LOC400499: variants seen among roughly 807,000 people sequenced by gnomAD.
At chr16:11,411,772 TC>T in the LOC400499 span, among the ~76,000 whole-genome samples, 2 of 151,986 alleles carry the variant, frequency 1.3e-5, no homozygotes, top group Non-Finnish European at 2.9e-5. Context: ...CCTGACTCCC[TC>T]CCAGGGATCC....
the LOC400499 span, among the ~76,000 whole-genome samples, chr16:11,426,251 C>T: frequency 6.6e-6 from 1 of 152,112 alleles, no homozygotes. Context: ...GCCTGGTCAA[C>T]ATGGTGAAAC....
At chr16:11,481,356 C>G in the LOC400499 span, among the ~76,000 whole-genome samples, 1 of 152,190 alleles carries the variant, frequency 6.6e-6, no homozygotes, top group Non-Finnish European at 1.5e-5. Flanking sequence ...AAGTCTCACT[C>G]TTGCCGCCCA....
the LOC400499 span, among the ~76,000 whole-genome samples, chr16:11,512,634 G>A: frequency 6.6e-6 from 1 of 152,170 alleles, no homozygotes; most frequent in Non-Finnish European, 1.5e-5. Flanking sequence ...AAAGTTGATT[G>A]TGGTGATGAT....
At chr16:11,437,252 T>C in the LOC400499 span, among the ~76,000 whole-genome samples, 2 of 152,174 alleles carry the variant, frequency 1.3e-5, no homozygotes, top group Admixed American at 1.3e-4. Context: ...CATTACGTTG[T>C]ATCAATCTGT....
chr16:11,417,861 G>A, the LOC400499 span: 6 of 398,560 alleles, frequency 1.5e-5, no homozygotes, highest in Admixed American at 8.8e-5. Context: ...CCAAGGAGAC[G>A]CTGGACCACC....
At chr16:11,476,339 C>T in the LOC400499 span, among the ~76,000 whole-genome samples, 1 of 152,014 alleles carries the variant, frequency 6.6e-6, no homozygotes, top group Non-Finnish European at 1.5e-5. Flanking sequence ...GACAAGCATG[C>T]CCCAGAGGGA....
At chr16:11,471,450 C>G in the LOC400499 span, 1 of 389,314 alleles carries the variant, frequency 2.6e-6, no homozygotes, top group Non-Finnish European at 4.5e-6. Flanking sequence ...GAACTGAGAC[C>G]TAAAGACTGA....
the LOC400499 span, chr16:11,384,396 C>T: frequency 2.3e-6 from 2 of 861,552 alleles, no homozygotes. Flanking sequence ...GCCCTGCTGC[C>T]TCAGGACCTG....
chr16:11,408,098 T>C, the LOC400499 span, among the ~76,000 whole-genome samples: 1 of 148,488 alleles, frequency 6.7e-6, no homozygotes, highest in African/African-American at 2.5e-5. Flanking sequence ...TTCTTCTGCC[T>C]CAGCCTCCTG....
the LOC400499 span, chr16:11,385,012 C>T: frequency 2.4e-6 from 3 of 1,232,292 alleles, no homozygotes; most frequent in Non-Finnish European, 3.0e-6. Flanking sequence ...CAGGATGCAG[C>T]TTGAGGTCCG....
the LOC400499 span, among the ~76,000 whole-genome samples, chr16:11,401,041 C>T: frequency 1.3e-5 from 2 of 152,368 alleles, no homozygotes; most frequent in Admixed American, 6.5e-5. Flanking sequence ...TATCTTCAAA[C>T]ACCGCCTGGT....
At chr16:11,488,301 C>T in the LOC400499 span, among the ~76,000 whole-genome samples, 2 of 152,076 alleles carry the variant, frequency 1.3e-5, no homozygotes, top group African/African-American at 2.4e-5. Flanking sequence ...AAGTATTCAG[C>T]TGAATGCCAT....
At chr16:11,380,792 T>C in the LOC400499 span, 2 of 152,162 alleles carry the variant, frequency 1.3e-5, no homozygotes, top group African/African-American at 4.8e-5. Context: ...TCTGTTGTCC[T>C]CCCAGATGTT....
the LOC400499 span, among the ~76,000 whole-genome samples, chr16:11,445,950 G>A: frequency 6.7e-6 from 1 of 150,292 alleles, no homozygotes; most frequent in Non-Finnish European, 1.5e-5. Context: ...TCAGCCTCCT[G>A]AGTAGCTGGG....
chr16:11,477,042 G>A, the LOC400499 span: 3 of 400,506 alleles, frequency 7.5e-6, no homozygotes, highest in Non-Finnish European at 1.3e-5. Flanking sequence ...CTGAGCCACA[G>A]CAGCCCCTCC....
the LOC400499 span, chr16:11,460,449 G>A: frequency 2.6e-4 from 395 of 1,507,044 alleles, 1 homozygote; most frequent in African/African-American, 4.6e-3. Context: ...TGCTCTCTCC[G>A]GATGTCGCAC....
chr16:11,416,904 G>A, the LOC400499 span, among the ~76,000 whole-genome samples: 2 of 152,060 alleles, frequency 1.3e-5, no homozygotes, highest in Non-Finnish European at 2.9e-5. Flanking sequence ...GGAAGGGTGT[G>A]GATTCTGATG....
At chr16:11,460,027 C>G in the LOC400499 span, 413,956 of 1,470,860 alleles carry the variant, frequency 0.28, 60,798 homozygotes, top group Admixed American at 0.51. Flanking sequence ...TGCAGGTGGC[C>G]CGAGTCCTCC....
chr16:11,473,124 T>C, the LOC400499 span: 5 of 150,542 alleles, frequency 3.3e-5, no homozygotes, highest in Admixed American at 6.6e-5. Context: ...TCAAAATAAA[T>C]AAATAAATAA....
Sources: gnomAD v4.1 joint callset for allele counts (sites outside exome capture counted in the v4.1 genomes callset) on GRCh38, gnomAD v4.1.1 for gene constraint, MANE v1.5 for transcripts.